SLC30A6: variants seen among roughly 807,000 people sequenced by gnomAD.
The protein encoded by SLC30A6 is solute carrier family 30 member 6, also known as zinc transporter 6.
In SLC30A6, 55 loss-of-function variants were observed where a neutral mutation model predicts 63.0. That is an observed-to-expected ratio of 0.87 (90% CI 0.70 to 1.09). The LOEUF (loss-of-function observed/expected upper bound fraction) is 1.09, where lower values mean the gene tolerates loss of function less well. Among genes scored for constraint, SLC30A6 ranks in the 50% least tolerant of loss-of-function variants. The pLI is 0.00. For missense variants in SLC30A6, 587 were observed against 549.2 expected (o/e 1.07, Z -0.69); for synonymous variants, 224 against 186.1 (o/e 1.20, Z -1.66).
intron 12 of SLC30A6, among the ~76,000 whole-genome samples, chr2:32,207,723 T>C (rs1181504219): frequency 2.2e-5 from 2 of 90,768 alleles, no homozygotes; most frequent in Non-Finnish European, 2.1e-5. Flanking sequence ...TTTTCTGAGA[T>C]GGAGTCTCGC....
chr2:32,197,002 G>A (rs947919644), intron 8 of SLC30A6, among the ~76,000 whole-genome samples: 1 of 152,218 alleles, frequency 6.6e-6, no homozygotes, highest in African/African-American at 2.4e-5. Flanking sequence ...AGAGGTTGCA[G>A]TGAGCCGAGA....
chr2:32,197,315 T>G, intron 8 of SLC30A6, 29 bp from the exon 9 acceptor site: 1 of 1,587,304 alleles, frequency 6.3e-7, no homozygotes, highest in Non-Finnish European at 8.6e-7. Context: ...TTCTTCTATA[T>G]AGATAATTTA....
At chr2:32,169,294 G>A (rs2148792116) in intron 1 of SLC30A6, among the ~76,000 whole-genome samples, 1 of 152,158 alleles carries the variant, frequency 6.6e-6, no homozygotes, top group African/African-American at 2.4e-5. Flanking sequence ...TTGGTGTCCT[G>A]AGTAGCTGGG....
chr2:32,165,975 CT>C (rs1680607898), intron 1 of SLC30A6, 72 bp downstream of exon 1: 1 of 1,606,714 alleles, frequency 6.2e-7, no homozygotes. Flanking sequence ...CCGAAGCGAC[CT>C]TGAAATCCCT....
At chr2:32,212,407 C>G (rs985056795) in intron 13 of SLC30A6, among the ~76,000 whole-genome samples, 20 of 151,774 alleles carry the variant, frequency 1.3e-4, no homozygotes, top group Admixed American at 3.9e-4. Flanking sequence ...TGGGATTTGA[C>G]CCTCTCTTCT....
intron 5 of SLC30A6, among the ~76,000 whole-genome samples, chr2:32,184,551 G>A (rs890728155): frequency 6.6e-6 from 1 of 152,178 alleles, no homozygotes; most frequent in African/African-American, 2.4e-5. Context: ...GAGCACCTTA[G>A]GTCAGGAGTT....
intron 5 of SLC30A6, chr2:32,187,328 G>A (rs1682927235): frequency 6.8e-6 from 3 of 442,036 alleles, no homozygotes; most frequent in Non-Finnish European, 1.4e-5. Flanking sequence ...GCTAGCTAGA[G>A]TATTTCTGGA....
At chr2:32,190,888 G>T (rs1683268814) in intron 5 of SLC30A6, among the ~76,000 whole-genome samples, 1 of 152,170 alleles carries the variant, frequency 6.6e-6, no homozygotes, top group Non-Finnish European at 1.5e-5. Flanking sequence ...CTCACAAAGT[G>T]CTGGGATTGC....
At chr2:32,210,278 G>A (rs1048505814) in intron 13 of SLC30A6, among the ~76,000 whole-genome samples, 3 of 152,098 alleles carry the variant, frequency 2.0e-5, no homozygotes, top group Non-Finnish European at 2.9e-5. Context: ...TTGGGAAGCC[G>A]AGGCGGGCAG....
intron 8 of SLC30A6, 36 bp downstream of exon 8, chr2:32,194,019 A>C: frequency 6.6e-7 from 1 of 1,521,150 alleles, no homozygotes; most frequent in Non-Finnish European, 9.0e-7. Flanking sequence ...TAAAAATCCA[A>C]CTAATCTCTC....
chr2:32,197,749 C>T lies in SLC30A6; in HGVS notation c.588C>T (p.Pro196=), dbSNP rs777749255. The change falls in exon 10 of 14, where the codon CCC becomes CCT. Residue 196 remains proline, a synonymous_variant. Coordinates refer to ENST00000282587, the MANE Select transcript of SLC30A6 (RefSeq NM_017964.5). The part of the protein sequence containing the change: ...IIPGLSSIFL[P]RMNPFVLIDL... Reference sequence around the variant, plus strand: ...CGGGACTTAGCAGTATCTTCCTTCCCCGAATGAATCCATTTGTTTTGATTG... The same window carrying T: ...CGGGACTTAGCAGTATCTTCCTTCCTCGAATGAATCCATTTGTTTTGATTG... 16 of 1,614,074 alleles carry T rather than the reference C, an allele frequency of 9.9e-6. No homozygotes were observed. Among genetic ancestry groups the T allele is most frequent in the Non-Finnish European group, 1.3e-5 (15 of 1,179,988 alleles).
chr2:32,216,897 T>C (rs766314795), intron 13 of SLC30A6, among the ~76,000 whole-genome samples: 1 of 141,704 alleles, frequency 7.1e-6, no homozygotes, highest in Non-Finnish European at 1.6e-5. Context: ...TTGAGGTCTG[T>C]TTTTTTTTTT....
chr2:32,213,483 T>C (rs1685431960), intron 13 of SLC30A6, among the ~76,000 whole-genome samples: 1 of 152,106 alleles, frequency 6.6e-6, no homozygotes, highest in African/African-American at 2.4e-5. Flanking sequence ...TTAAGTCTTG[T>C]TAGCCGCTTT....
rs562790349 is a variant in SLC30A6 at position 32,223,029 on chromosome 2, G to C, written c.*2316G>C. 6 of 152,304 alleles carry C rather than the reference G, an allele frequency of 3.9e-5. No individual in the cohort carries two copies. The South Asian group carries it at 1.2e-3, about 32-fold the overall frequency. 9.4% of individuals were successfully genotyped at this position (152,304 alleles called of 1,614,324 possible). On this transcript the variant is annotated 3_prime_UTR_variant, in exon 14 of 14. Transcript: ENST00000282587. ...GCTTTAATACCTACCTTCACTATTT[G>C]AGAAAGGACACTCACAGTTGCCTGT...
intron 8 of SLC30A6, among the ~76,000 whole-genome samples, chr2:32,195,060 GCTTA>G (rs759319581): frequency 1.3e-5 from 2 of 148,922 alleles, no homozygotes; most frequent in African/African-American, 2.5e-5. Flanking sequence ...AATTTTATGT[GCTTA>G]CTTAGAATTG....
rs931596701 is a variant in SLC30A6, at chr2:32,221,979, T to G, written c.*1266T>G. 6.6e-6 allele frequency: 1 copy of G among 152,194 alleles called. No homozygotes were observed. Among genetic ancestry groups the G allele is most frequent in the Non-Finnish European group, 1.5e-5 (1 of 68,032 alleles). 9.4% of individuals were successfully genotyped at this position (152,194 alleles called of 1,614,324 possible). Reference sequence around the variant, plus strand: ...ACATAATATGGAATTTGATGTCTTTTCAAGTTGCACAAAGAATTTGAGCAT... The same window carrying G: ...ACATAATATGGAATTTGATGTCTTTGCAAGTTGCACAAAGAATTTGAGCAT... On this transcript the variant is annotated 3_prime_UTR_variant, in exon 14 of 14. Coordinates refer to ENST00000282587, the MANE Select transcript of SLC30A6 (RefSeq NM_017964.5).
intron 4 of SLC30A6, among the ~76,000 whole-genome samples, chr2:32,182,406 A>C (rs1178735878): frequency 6.6e-6 from 1 of 152,096 alleles, no homozygotes; most frequent in Non-Finnish European, 1.5e-5. Context: ...CACTATATGA[A>C]CCCTGTCATG....
chr2:32,176,922 A>G (rs918960534), intron 4 of SLC30A6, among the ~76,000 whole-genome samples: 8 of 151,732 alleles, frequency 5.3e-5, no homozygotes, highest in Non-Finnish European at 1.0e-4. Context: ...ACAGACATGC[A>G]CCACCACGCC....
intron 8 of SLC30A6, among the ~76,000 whole-genome samples, chr2:32,195,362 G>A (rs1683695147): frequency 6.6e-6 from 1 of 151,650 alleles, no homozygotes; most frequent in Admixed American, 6.6e-5. Context: ...CACTGCGTCC[G>A]GCCATGTCTG....
Sources: allele counts gnomAD v4.1 joint callset (sites outside exome capture counted in the v4.1 genomes callset), GRCh38; gene constraint gnomAD v4.1.1; transcripts MANE v1.5; gene names NCBI Gene and HGNC (gene_info 2026-07-23, HGNC 2026-07-21).